The following SAMD12 variants were observed in gnomAD, a reference collection of about 807,000 sequenced individuals.
The protein encoded by SAMD12 is sterile alpha motif domain containing 12, also known as sterile alpha motif domain-containing protein 12.
A neutral mutation model predicts 15.0 loss-of-function variants in SAMD12; 9 were observed. The ratio of observed to expected loss-of-function variants is 0.60; its 90% CI spans 0.36 to 1.05. The LOEUF (loss-of-function observed/expected upper bound fraction) is 1.05, where lower values mean the gene tolerates loss of function less well. Among genes scored for constraint, SAMD12 ranks in the 50% least tolerant of loss-of-function variants. SAMD12 has a pLI of 0.01. For synonymous variants in SAMD12, 86 were observed against 90.1 expected (o/e 0.96, Z 0.25); for missense variants, 230 against 234.2 (o/e 0.98, Z 0.12).
At chr8:118,509,931 T>G (rs1359335862) in intron 2 of SAMD12, among the ~76,000 whole-genome samples, 1 of 152,196 alleles carries the variant, frequency 6.6e-6, no homozygotes, top group Non-Finnish European at 1.5e-5. Flanking sequence ...AGAATATTGC[T>G]ATTGCTATTT....
intron 2 of SAMD12, among the ~76,000 whole-genome samples, chr8:118,448,036 G>A (rs1822971532): frequency 1.3e-5 from 2 of 152,114 alleles, no homozygotes; most frequent in South Asian, 2.1e-4. Context: ...CCTCTTTGAT[G>A]TCATCTTTAT....
chr8:118,212,121 A>T (rs979804188), intron 4 of SAMD12, among the ~76,000 whole-genome samples: 7 of 151,488 alleles, frequency 4.6e-5, no homozygotes, highest in Non-Finnish European at 8.8e-5. Context: ...TCCAAGATAC[A>T]TTTTTTTCAA....
At chr8:118,188,755 G>A (rs1278449917), downstream of SAMD12, among the ~76,000 whole-genome samples, 1 of 151,640 alleles carries the variant, frequency 6.6e-6, no homozygotes, top group Admixed American at 6.6e-5. Context: ...TATATTTGGT[G>A]TATCATATTA....
At chr8:118,454,720 C>G (rs534115908) in intron 2 of SAMD12, among the ~76,000 whole-genome samples, 4 of 152,262 alleles carry the variant, frequency 2.6e-5, no homozygotes, top group African/African-American at 9.6e-5. Context: ...TAACCATCAC[C>G]ACCATTGATC....
intron 2 of SAMD12, among the ~76,000 whole-genome samples, chr8:118,448,612 G>A (rs1416832789): frequency 1.3e-5 from 2 of 152,216 alleles, no homozygotes; most frequent in Non-Finnish European, 2.9e-5. Flanking sequence ...GACTAAAACA[G>A]CCTTTCCTCC....
At chr8:118,553,376 C>T (rs1229206278) in intron 2 of SAMD12, among the ~76,000 whole-genome samples, 43 of 151,882 alleles carry the variant, frequency 2.8e-4, no homozygotes, top group Admixed American at 9.8e-4. Context: ...GAAATAACGC[C>T]GCATATCTAC....
chr8:118,135,273 C>A, the SAMD12 span, among the ~76,000 whole-genome samples: 1 of 152,046 alleles, frequency 6.6e-6, no homozygotes, highest in East Asian at 1.9e-4. Context: ...CCTCCGCCTC[C>A]CGGTTTCAAG....
At chr8:118,492,139 T>TTTC (rs56930446) in intron 2 of SAMD12, among the ~76,000 whole-genome samples, 1 of 151,122 alleles carries the variant, frequency 6.6e-6, no homozygotes, top group Non-Finnish European at 1.5e-5. Context: ...TTTTTTTTTT[T>TTTC]AAGTTTTAAG....
At chr8:118,552,205 C>G (rs1826360538) in intron 2 of SAMD12, among the ~76,000 whole-genome samples, 2 of 152,080 alleles carry the variant, frequency 1.3e-5, no homozygotes, top group Admixed American at 1.3e-4. Flanking sequence ...GATACCAAAG[C>G]CGGGCAGAGA....
At chr8:118,371,024 A>G (rs1271481599) in intron 4 of SAMD12, among the ~76,000 whole-genome samples, 1 of 152,204 alleles carries the variant, frequency 6.6e-6, no homozygotes, top group Non-Finnish European at 1.5e-5. Context: ...TCTTCTCAGA[A>G]GAGTTAATAT....
Position 118,618,562 on chromosome 8 carries a change from G to T in SAMD12, c.13+3242C>A, listed in dbSNP as rs193226363. On this transcript the variant is annotated intron_variant, in intron 1 of 3. Coordinates refer to ENST00000314727, the MANE Select transcript of SAMD12 (RefSeq NM_207506.3). ...CTTTATTTAATCCTCACAATGAGCA[G>T]GGCACGGTGGCTCACTCCTGTAATC... Among the ~76,000 whole-genome samples, 6 of 152,230 alleles carry T rather than the reference G, an allele frequency of 3.9e-5. No individual in the cohort carries two copies. In the East Asian group the frequency reaches 1.2e-3, roughly 29 times the overall value.
At chr8:118,459,103 T>C (rs1314884517) in intron 2 of SAMD12, among the ~76,000 whole-genome samples, 1 of 152,110 alleles carries the variant, frequency 6.6e-6, no homozygotes, top group Non-Finnish European at 1.5e-5. Context: ...TCTCACTCTG[T>C]TGCCCAGGCT....
chr8:118,560,404 G>A (rs1309722082), intron 2 of SAMD12, among the ~76,000 whole-genome samples: 2 of 152,190 alleles, frequency 1.3e-5, no homozygotes, highest in Non-Finnish European at 2.9e-5. Context: ...GAGTACGAAT[G>A]ACTTCCAAGA....
At chr8:118,430,620 A>G (rs1469351595) in intron 3 of SAMD12, among the ~76,000 whole-genome samples, 1 of 152,284 alleles carries the variant, frequency 6.6e-6, no homozygotes, top group South Asian at 2.1e-4. Flanking sequence ...TTGGTCTCCT[A>G]AAGTGCTGGG....
At chr8:118,442,355 TTGCTTCTCTACCC>T (rs1250288428) in intron 2 of SAMD12, among the ~76,000 whole-genome samples, 4 of 152,210 alleles carry the variant, frequency 2.6e-5, no homozygotes, top group African/African-American at 9.6e-5. Flanking sequence ...CGTTCAGCCC[TTGCTTCTCTACCC>T]TGCTGTGTGT....
intron 1 of SAMD12, among the ~76,000 whole-genome samples, chr8:118,591,027 A>C (rs1827574237): frequency 6.6e-6 from 1 of 152,218 alleles, no homozygotes; most frequent in Admixed American, 6.5e-5. Context: ...GCTCAAGAGC[A>C]GAATGGAGGA....
At chr8:118,375,145 T>C (rs937791114), downstream of SAMD12, among the ~76,000 whole-genome samples, 1 of 152,126 alleles carries the variant, frequency 6.6e-6, no homozygotes, top group Non-Finnish European at 1.5e-5. Context: ...TCATAGAATA[T>C]GCAATGAACT....
chr8:118,491,112 T>A (rs1440116658), intron 2 of SAMD12, among the ~76,000 whole-genome samples: 1 of 152,120 alleles, frequency 6.6e-6, no homozygotes, highest in Non-Finnish European at 1.5e-5. Context: ...GTCCAATGCA[T>A]CATCTCTGTC....
the SAMD12 span, among the ~76,000 whole-genome samples, chr8:118,175,920 G>C: frequency 6.6e-6 from 1 of 152,192 alleles, no homozygotes; most frequent in Non-Finnish European, 1.5e-5. Context: ...ACTGTGGAAA[G>C]GAAAGCAGTT....
Sources: allele counts gnomAD v4.1 joint callset (sites outside exome capture counted in the v4.1 genomes callset), GRCh38; gene constraint gnomAD v4.1.1; transcripts MANE v1.5; gene names NCBI Gene and HGNC (gene_info 2026-07-23, HGNC 2026-07-21).